The following SLC20A2 variants were observed in gnomAD, a reference collection of about 807,000 sequenced individuals.
SLC20A2 encodes the protein solute carrier family 20 member 2.
Under a neutral mutation model 61.0 loss-of-function variants are expected in SLC20A2, and 30 were observed. The ratio of observed to expected loss-of-function variants is 0.49; its 90% confidence interval spans 0.37 to 0.67. SLC20A2 has a LOEUF of 0.67. SLC20A2 is among the 30% of genes least tolerant of loss of function. The pLI, the probability that SLC20A2 is intolerant of heterozygous loss-of-function variation, is 0.00. For missense variants in SLC20A2, 626 were observed against 866.4 expected, an observed-to-expected ratio of 0.72 and a Z score of 3.48; for synonymous variants, 351 against 353.3, an observed-to-expected ratio of 0.99 and a Z score of 0.07.
intron 1 of SLC20A2, among the ~76,000 whole-genome samples, chr8:42,490,615 A>T (rs931899727): frequency 6.6e-6 from 1 of 152,152 alleles, no homozygotes; most frequent in African/African-American, 2.4e-5. Flanking sequence ...AAACAAAAAA[A>T]CCCCAAACTC....
intron 10 of SLC20A2, among the ~76,000 whole-genome samples, chr8:42,427,456 G>T (rs1803493640): frequency 6.6e-6 from 1 of 152,230 alleles, no homozygotes; most frequent in Non-Finnish European, 1.5e-5. Flanking sequence ...CCTGTGGACT[G>T]GGAGTGACAG....
chr8:42,533,654 C>CTTTTTTTCTTTTCTTTT (rs1253260874), intron 1 of SLC20A2, among the ~76,000 whole-genome samples: 2 of 55,296 alleles, frequency 3.6e-5, no homozygotes, highest in African/African-American at 1.6e-4. Flanking sequence ...ATCAACTGTT[C>CTTTTTTTCTTTTCTTTT]TTTTTTTTTT....
intron 1 of SLC20A2, among the ~76,000 whole-genome samples, chr8:42,482,826 G>C (rs1808655039): frequency 6.6e-6 from 1 of 152,050 alleles, no homozygotes; most frequent in Non-Finnish European, 1.5e-5. Flanking sequence ...AGGGGTTTCA[G>C]ACCAGCCTGG....
At chr8:42,529,963 T>C (rs1812216831) in intron 1 of SLC20A2, among the ~76,000 whole-genome samples, 1 of 152,252 alleles carries the variant, frequency 6.6e-6, no homozygotes. Context: ...TTGATCTTTA[T>C]CAAAATCCTG....
chr8:42,458,608 G>GA (rs1245776628), intron 5 of SLC20A2, among the ~76,000 whole-genome samples: 1,096 of 64,174 alleles, frequency 0.017, 3 homozygotes, highest in Non-Finnish European at 0.022. Flanking sequence ...GGGCAATAAA[G>GA]AAAAAAAAAA....
At chr8:42,533,433 T>C (rs1305546170) in intron 1 of SLC20A2, among the ~76,000 whole-genome samples, 3 of 151,978 alleles carry the variant, frequency 2.0e-5, no homozygotes, top group African/African-American at 4.8e-5. Context: ...CTGGCCAACA[T>C]GGTGAAACCC....
rs2130901483 is a variant in SLC20A2, at chr8:42,417,076, G to GT, written c.*726dup. On this transcript the variant is annotated 3_prime_UTR_variant, in exon 11 of 11. Coordinates refer to ENST00000520262, the MANE Select transcript of SLC20A2 (RefSeq NM_001257180.2). ...GGTGGGAGACAGACAATGTGAAAAC[G>GT]TAACACTGGCCAATGATTCCCCTGC... The GT allele has an allele frequency of 6.5e-6, 1 of 152,842 alleles. No individual in the cohort carries two copies. Among genetic ancestry groups the GT allele is most frequent in the East Asian group, 1.9e-4 (1 of 5,188 alleles). The allele number at this position is 152,842 out of a possible 1,614,324, so 9.5% of individuals were successfully genotyped here. A position where few individuals can be genotyped will look rare whatever the true frequency, so the allele number is the denominator to read the frequency against.
At chr8:42,482,664 T>C (rs1351059879) in intron 1 of SLC20A2, among the ~76,000 whole-genome samples, 1 of 151,860 alleles carries the variant, frequency 6.6e-6, no homozygotes, top group Non-Finnish European at 1.5e-5. Context: ...AAGGCTACAG[T>C]GAGACTGGAG....
At chr8:42,436,927 C>T (rs1247186011) in intron 8 of SLC20A2, 62 bp downstream of exon 8, 1 of 1,446,396 alleles carries the variant, frequency 6.9e-7, no homozygotes, top group Non-Finnish European at 9.3e-7. Context: ...GGCACCCGCA[C>T]AGCGCTGGCC....
intron 1 of SLC20A2, among the ~76,000 whole-genome samples, chr8:42,532,716 A>G (rs755391534): frequency 1.3e-5 from 2 of 152,218 alleles, no homozygotes; most frequent in Non-Finnish European, 2.9e-5. Context: ...AACAAAATAA[A>G]TGTGGAGACG....
chr8:42,450,939 A>T (rs1026385213), intron 5 of SLC20A2, among the ~76,000 whole-genome samples: 1 of 152,186 alleles, frequency 6.6e-6, no homozygotes, highest in South Asian at 2.1e-4. Context: ...TTCTCACCCC[A>T]GGGCTTCCCC....
rs1335880077 is a variant in SLC20A2, at chr8:42,438,051, AAAAAAAAAAACC to A, written c.935-486_935-475del. On this transcript the variant is annotated intron_variant, in intron 7 of 10. Coordinates refer to ENST00000520262, the MANE Select transcript of SLC20A2 (RefSeq NM_001257180.2). ...AAGGACATGTAATATGGTTACCACT[AAAAAAAAAAACC>A]AAAAAAAAAAAAAAAAAAAAAAAAA... is the stretch of plus-strand genomic sequence containing the variant. Among the ~76,000 whole-genome samples the A allele has an allele frequency of 1.1e-3, 124 of 108,728 alleles. 3 individuals carry two copies. Among genetic ancestry groups the A allele is most frequent in the African/African-American group, 3.1e-3 (83 of 26,494 alleles). The allele number at this position is 108,728 out of a possible 152,430, so 71.3% of individuals were successfully genotyped here. A position where few individuals can be genotyped will look rare whatever the true frequency, so the allele number is the denominator to read the frequency against.
chr8:42,475,090 AG>A (rs1055334813), intron 1 of SLC20A2, among the ~76,000 whole-genome samples: 2 of 151,252 alleles, frequency 1.3e-5, no homozygotes, highest in Non-Finnish European at 2.9e-5. Flanking sequence ...TTAATCAGAG[AG>A]GGGTATTGGC....
chr8:42,432,558 A>G (rs1803946109), intron 8 of SLC20A2, among the ~76,000 whole-genome samples: 1 of 152,230 alleles, frequency 6.6e-6, no homozygotes, highest in Non-Finnish European at 1.5e-5. Flanking sequence ...AAGAAATTCT[A>G]CGGTGGGTAA....
At chr8:42,487,088 C>T (rs1215142729) in intron 1 of SLC20A2, among the ~76,000 whole-genome samples, 3 of 151,734 alleles carry the variant, frequency 2.0e-5, no homozygotes, top group African/African-American at 7.3e-5. Context: ...TGGTCTGGAA[C>T]TCCTGACCTC....
At chr8:42,532,645 C>T (rs951783176) in intron 1 of SLC20A2, among the ~76,000 whole-genome samples, 1 of 151,936 alleles carries the variant, frequency 6.6e-6, no homozygotes, top group Non-Finnish European at 1.5e-5. Context: ...TCTAGTAATA[C>T]CTATTAATAG....
intron 5 of SLC20A2, among the ~76,000 whole-genome samples, chr8:42,458,502 G>A: frequency 6.6e-6 from 1 of 151,702 alleles, no homozygotes. Flanking sequence ...ACACACCTGT[G>A]GTTCCGGCTA....
At chr8:42,422,241 CGG>C (rs1803097064) in intron 10 of SLC20A2, among the ~76,000 whole-genome samples, 1 of 152,044 alleles carries the variant, frequency 6.6e-6, no homozygotes, top group Non-Finnish European at 1.5e-5. Flanking sequence ...TTAGTAGAGA[CGG>C]GGTTTTGCCA....
chr8:42,451,593 T>G (rs1479651735), intron 5 of SLC20A2, among the ~76,000 whole-genome samples: 17 of 66,802 alleles, frequency 2.5e-4, no homozygotes, highest in East Asian at 8.9e-4. Context: ...GAGGAAGAGA[T>G]GGAGGAGGAG....
Sources: allele counts gnomAD v4.1 joint callset (sites outside exome capture counted in the v4.1 genomes callset), GRCh38; gene constraint gnomAD v4.1.1; transcripts MANE v1.5; gene names NCBI Gene and HGNC (gene_info 2026-07-23, HGNC 2026-07-21).